Variants in RIIAD1 observed in about 807,000 individuals in gnomAD.
The protein encoded by RIIAD1 is RIIa domain-containing protein 1.
A neutral mutation model predicts 13.3 loss-of-function variants in RIIAD1; 15 were observed. The ratio of observed to expected loss-of-function variants is 1.13; its 90% CI spans 0.76 to 1.74. The LOEUF is 1.74. Among genes scored for constraint, RIIAD1 ranks in the 40% most tolerant of loss-of-function variants. The pLI, the probability that RIIAD1 is intolerant of heterozygous loss-of-function variation, is 0.00. For synonymous variants in RIIAD1, 50 were observed against 43.3 expected, an observed-to-expected ratio of 1.16 and a Z score of -0.61; for missense variants, 121 against 112.2, an observed-to-expected ratio of 1.08 and a Z score of -0.35.
At chr1:151,725,227 C>T (rs1039945384) in intron 2 of RIIAD1, among the ~76,000 whole-genome samples, 4 of 150,798 alleles carry the variant, frequency 2.7e-5, no homozygotes, top group Admixed American at 1.3e-4. Flanking sequence ...TCTCCTGCCT[C>T]CACCTCCCAA....
chr1:151,721,467 TG>T (rs1673732954), upstream of RIIAD1: 2 of 954,506 alleles, frequency 2.1e-6, no homozygotes, highest in African/African-American at 1.7e-5. Context: ...GGGCCGGGCT[TG>T]GGGGCAGGGC....
At chr1:151,716,856 T>C (rs1308938737), upstream of RIIAD1, 2 of 446,088 alleles carry the variant, frequency 4.5e-6, no homozygotes, top group Non-Finnish European at 9.2e-6. Context: ...CTGACATCAG[T>C]GATGTCAGTC....
rs930392102 is a variant in RIIAD1 at position 151,715,783 on chromosome 1, C to T, written c.21+1254C>T. ...CTGAACTCTTCTCCTTCCACATCAG[C>T]CCTTCCCAGCCGCTCCACCCCTCCA... On this transcript the variant is annotated intron_variant, in intron 4 of 8. Transcript: ENST00000326413. 6.9e-6 allele frequency: 11 copies of T among 1,593,478 alleles called. No homozygotes were observed. In the Admixed American group the frequency reaches 1.9e-4, roughly 27 times the overall value.
intron 4 of RIIAD1, chr1:151,716,278 T>C (rs1364356155): frequency 4.5e-6 from 2 of 448,970 alleles, no homozygotes; most frequent in Non-Finnish European, 7.9e-6. Flanking sequence ...ACGATCTCCC[T>C]CCCAGAGATC....
At chr1:151,715,828 A>T in intron 4 of RIIAD1, 1 of 1,594,510 alleles carries the variant, frequency 6.3e-7, no homozygotes, top group Non-Finnish European at 8.6e-7. Context: ...AACTTCCCCC[A>T]GCCTCCCAGC....
At chr1:151,721,865 A>G (rs1436567844) in intron 1 of RIIAD1, 20 of 586,900 alleles carry the variant, frequency 3.4e-5, no homozygotes, top group Non-Finnish European at 5.8e-5. Context: ...ATGGGCCGAA[A>G]TTACTGCCAG....
At chr1:151,715,464 C>T (rs1036522769) in intron 4 of RIIAD1, among the ~76,000 whole-genome samples, 5 of 152,088 alleles carry the variant, frequency 3.3e-5, no homozygotes, top group African/African-American at 1.2e-4. Flanking sequence ...GACCCTGTGT[C>T]CTGACCCCCA....
At chr1:151,725,399 A>G (rs1673813078) in intron 2 of RIIAD1, among the ~76,000 whole-genome samples, 2 of 152,196 alleles carry the variant, frequency 1.3e-5, no homozygotes, top group South Asian at 4.2e-4. Flanking sequence ...TACAGCAGTA[A>G]TCATGTCCTT....
chr1:151,714,542 C>T (rs1415735015), intron 4 of RIIAD1: 1 of 1,362,238 alleles, frequency 7.3e-7, no homozygotes, highest in Non-Finnish European at 1.0e-6. Flanking sequence ...GAGCCTCCTG[C>T]CACTTCTATG....
intron 2 of RIIAD1, among the ~76,000 whole-genome samples, chr1:151,723,028 G>A (rs1673765987): frequency 6.6e-6 from 1 of 152,244 alleles, no homozygotes; most frequent in Non-Finnish European, 1.5e-5. Flanking sequence ...GTATTGTGCT[G>A]TAAGCAGTCG....
upstream of RIIAD1, among the ~76,000 whole-genome samples, chr1:151,719,881 G>A (rs1673705451): frequency 6.6e-6 from 1 of 152,204 alleles, no homozygotes; most frequent in South Asian, 2.1e-4. Context: ...ACTTGGAGGT[G>A]GGGAGGTAGA....
intron 2 of RIIAD1, among the ~76,000 whole-genome samples, chr1:151,727,343 C>T (rs1396526271): frequency 6.6e-6 from 1 of 152,150 alleles, no homozygotes; most frequent in South Asian, 2.1e-4. Context: ...TCTTTCTCGA[C>T]GTAAGCAATA....
chr1:151,721,994 G>A, intron 1 of RIIAD1, 92 bp from the exon 2 acceptor site: 4 of 868,244 alleles, frequency 4.6e-6, no homozygotes, highest in Non-Finnish European at 7.5e-6. Context: ...TGGGTTAAAT[G>A]CGCACGCCGT....
upstream of RIIAD1, chr1:151,719,742 A>G (rs1673702252): frequency 3.0e-6 from 2 of 656,976 alleles, no homozygotes; most frequent in Admixed American, 2.5e-5. Context: ...CTGTTAAAAA[A>G]ACAAAAAGTA....
At chr1:151,720,571 A>G (rs1380767679), upstream of RIIAD1, among the ~76,000 whole-genome samples, 1 of 152,266 alleles carries the variant, frequency 6.6e-6, no homozygotes, top group African/African-American at 2.4e-5. Flanking sequence ...TGGAAAGGAC[A>G]GAAGCAGACC....
chr1:151,721,807 G>A (rs1427051696), intron 1 of RIIAD1, 187 bp downstream of exon 1: 2 of 565,416 alleles, frequency 3.5e-6, no homozygotes, highest in African/African-American at 1.9e-5. Context: ...GAGCGCGACG[G>A]GCATCTGAGA....
At chr1:151,723,941 C>T (rs562717038) in intron 2 of RIIAD1, among the ~76,000 whole-genome samples, 5 of 152,350 alleles carry the variant, frequency 3.3e-5, no homozygotes, top group African/African-American at 7.2e-5. Flanking sequence ...AAGATGATAT[C>T]GTTCCTATCC....
At chr1:151,722,523 C>T (rs1322025410) in intron 2 of RIIAD1, among the ~76,000 whole-genome samples, 1 of 152,142 alleles carries the variant, frequency 6.6e-6, no homozygotes, top group Non-Finnish European at 1.5e-5. Context: ...AATTTACCAG[C>T]GTATCCTGGA....
At position 151,728,827 on chromosome 1, in the gene RIIAD1, A is replaced by G; in HGVS notation, c.270A>G (p.Lys90=). ...ACATGCAGCTAATTAAAGACAAGAA[A>G]GCGGCTTAATTAGCAAAATCATGAT... ...KIHMQLIKDK[K]AA is the part of the protein sequence containing the mutation. Residue 90 remains lysine (K), a synonymous_variant, in exon 4 of 5, where the codon AAA becomes AAG. Transcript: ENST00000479191. 1 of 1,539,166 alleles carries G rather than the reference A, an allele frequency of 6.5e-7. No individual in the cohort carries two copies. The highest frequency in any genetic ancestry group is 8.8e-7 in the Non-Finnish European group (1 of 1,135,712).
Sources: allele counts gnomAD v4.1 joint callset (sites outside exome capture counted in the v4.1 genomes callset), GRCh38; gene constraint gnomAD v4.1.1; transcripts MANE v1.5; gene names NCBI Gene and HGNC (gene_info 2026-07-23, HGNC 2026-07-21).